FLI1: variants seen among roughly 807,000 people sequenced by gnomAD.
FLI1 encodes Fli-1 proto-oncogene, ETS transcription factor.
Under a neutral mutation model 53.1 loss-of-function variants are expected in FLI1, and 13 were observed. The observed-to-expected ratio is 0.24, with a 90% CI of 0.16 to 0.39. FLI1 has a LOEUF of 0.39. FLI1 is among the 10% of genes least tolerant of loss of function. The probability of loss-of-function intolerance (pLI) is 1.00; values close to 1 mark genes in which losing one functional copy is unlikely to be tolerated. For missense variants in FLI1, 424 were observed against 600.5 expected (o/e 0.71, Z 3.07); for synonymous variants, 244 against 236.7 (o/e 1.03, Z -0.28).
intron 6 of FLI1, 106 bp downstream of exon 6, chr11:128,805,537 C>T (rs1942759636): frequency 2.9e-6 from 2 of 681,256 alleles, no homozygotes; most frequent in Non-Finnish European, 4.9e-6. Context: ...TGTTTCCCTG[C>T]TTTTTGAGTA....
At chr11:128,775,717 G>A (rs1478342615) in intron 4 of FLI1, among the ~76,000 whole-genome samples, 2 of 152,332 alleles carry the variant, frequency 1.3e-5, no homozygotes, top group South Asian at 2.1e-4. Context: ...CAGTGCTTGT[G>A]GAGAGTTTGA....
At chr11:128,704,182 A>C (rs1193543198) in intron 1 of FLI1, among the ~76,000 whole-genome samples, 1 of 152,156 alleles carries the variant, frequency 6.6e-6, no homozygotes, top group Non-Finnish European at 1.5e-5. Context: ...AGGCTTTAAA[A>C]CATTTCTTAT....
chr11:128,691,067 G>T (rs1320487850), upstream of FLI1, among the ~76,000 whole-genome samples: 1 of 152,042 alleles, frequency 6.6e-6, no homozygotes. Flanking sequence ...GGAAGGGGAG[G>T]TCTGCCCCAC....
rs551469213 is a variant in FLI1, at chr11:128,714,065, C to A, written c.18+19789C>A. 4.7e-4 allele frequency among the ~76,000 whole-genome samples: 71 copies of A among 152,252 alleles called. 1 individual carries two copies. The highest frequency in any genetic ancestry group is 1.7e-3 in the African/African-American group (70 of 41,534). On this transcript the variant is annotated intron_variant, in intron 1 of 8. Transcript: ENST00000527786. ...TTTACTGAGTGCATAGAGTACATAT[C>A]TATAGGTTAATATGCCTTTACTATG... is the stretch of plus-strand genomic sequence containing the variant.
At chr11:128,807,631 T>G (rs1942820481) in intron 7 of FLI1, among the ~76,000 whole-genome samples, 1 of 152,152 alleles carries the variant, frequency 6.6e-6, no homozygotes, top group African/African-American at 2.4e-5. Flanking sequence ...TTCAGAAATA[T>G]CCCCATCCTG....
chr11:128,694,518 C>G (rs67072818), intron 1 of FLI1, among the ~76,000 whole-genome samples: 2 of 44 alleles, frequency 0.045, no homozygotes, highest in Non-Finnish European at 0.091. Context: ...GGAGCCCCGG[C>G]CCCCCTCCCA....
At chr11:128,742,640 G>T (rs537981860) in intron 1 of FLI1, among the ~76,000 whole-genome samples, 1 of 152,344 alleles carries the variant, frequency 6.6e-6, no homozygotes, top group South Asian at 2.1e-4. Flanking sequence ...AGCCTCACAA[G>T]GCGAGTTGCT....
intron 6 of FLI1, chr11:128,806,927 A>T (rs1236833777): frequency 5.5e-6 from 2 of 361,290 alleles, no homozygotes; most frequent in Non-Finnish European, 9.9e-6. Flanking sequence ...AGAATTTAAA[A>T]ATGTGTTTAT....
intron 1 of FLI1, among the ~76,000 whole-genome samples, chr11:128,752,258 G>A (rs766447645): frequency 1.3e-5 from 2 of 152,062 alleles, no homozygotes; most frequent in East Asian, 3.8e-4. Context: ...TTACAGGCAT[G>A]AGCCACCATG....
rs371068619 is a variant in FLI1, at chr11:128,706,297, C to T, written c.18+12021C>T. Among the ~76,000 whole-genome samples, 27 of 152,264 alleles carry T rather than the reference C, an allele frequency of 1.8e-4. No individual in the cohort carries two copies. In the East Asian group the frequency reaches 3.1e-3, roughly 17 times the overall value. ...GAAATTCCAGAAATTGAGTTGAGAT[C>T]GCTGCTTTTCTCTTTTGCCTGGAGT... On this transcript the variant is annotated intron_variant, in intron 1 of 8. Coordinates refer to ENST00000527786, the MANE Select transcript of FLI1 (RefSeq NM_002017.5).
intron 1 of FLI1, among the ~76,000 whole-genome samples, chr11:128,742,860 C>A (rs796240146): frequency 3.9e-5 from 6 of 152,306 alleles, no homozygotes; most frequent in African/African-American, 1.4e-4. Flanking sequence ...ATTTTACAGG[C>A]CATTCAGGCT....
At chr11:128,797,825 A>G (rs1331693684) in intron 5 of FLI1, among the ~76,000 whole-genome samples, 1 of 152,182 alleles carries the variant, frequency 6.6e-6, no homozygotes, top group Non-Finnish European at 1.5e-5. Flanking sequence ...CTTCCTAAAG[A>G]TGATCACCTA....
At chr11:128,791,645 G>A (rs1447296058) in intron 5 of FLI1, among the ~76,000 whole-genome samples, 1 of 152,142 alleles carries the variant, frequency 6.6e-6, no homozygotes, top group Non-Finnish European at 1.5e-5. Context: ...TTTCTACAAG[G>A]TGGATGTTTT....
chr11:128,733,674 A>T (rs1939790958), intron 1 of FLI1, among the ~76,000 whole-genome samples: 1 of 152,216 alleles, frequency 6.6e-6, no homozygotes, highest in Non-Finnish European at 1.5e-5. Flanking sequence ...TGCATGTGTG[A>T]TATAAGATGC....
intron 1 of FLI1, among the ~76,000 whole-genome samples, chr11:128,694,776 G>A (rs1458431506): frequency 1.3e-5 from 2 of 152,176 alleles, no homozygotes; most frequent in African/African-American, 4.8e-5. Context: ...TGGCCTCGTT[G>A]CACGAGGGTA....
chr11:128,708,201 G>C (rs1311859765), intron 1 of FLI1, among the ~76,000 whole-genome samples: 2 of 152,216 alleles, frequency 1.3e-5, no homozygotes, highest in African/African-American at 2.4e-5. Flanking sequence ...AGGGAGAGGA[G>C]CGTTACATGA....
rs77220881 is a variant in FLI1 at position 128,767,270 on chromosome 11, G to A, written c.231-848G>A. 2.1e-3 allele frequency among the ~76,000 whole-genome samples: 320 copies of A among 152,266 alleles called. 2 individuals carry two copies. The highest frequency in any genetic ancestry group is 7.0e-3 in the African/African-American group (290 of 41,550). ...CCATACTGCTTCCACAGTGAGCTTG[G>A]GGCCAGGGATGCAAAATGCCACAGG... On this transcript the variant is annotated intron_variant, in intron 2 of 8. Transcript: ENST00000527786.
At chr11:128,778,403 C>T (rs1345444994) in intron 4 of FLI1, among the ~76,000 whole-genome samples, 1 of 152,190 alleles carries the variant, frequency 6.6e-6, no homozygotes, top group Non-Finnish European at 1.5e-5. Flanking sequence ...CACCCTGCTT[C>T]CCAGCCCCAT....
chr11:128,772,457 G>A (rs570196692), intron 3 of FLI1, among the ~76,000 whole-genome samples: 1 of 152,262 alleles, frequency 6.6e-6, no homozygotes, highest in Non-Finnish European at 1.5e-5. Context: ...CATTGGTCCC[G>A]GGGTCTGTGA....
Sources: allele counts gnomAD v4.1 joint callset (sites outside exome capture counted in the v4.1 genomes callset), GRCh38; gene constraint gnomAD v4.1.1; transcripts MANE v1.5; gene names NCBI Gene and HGNC (gene_info 2026-07-23, HGNC 2026-07-21).